The following ZNF106 variants were observed in gnomAD, a reference collection of about 807,000 sequenced individuals.
ZNF106 encodes zinc finger protein 106.
A neutral mutation model predicts 195.1 loss-of-function variants in ZNF106; 67 were observed. The observed-to-expected ratio is 0.34, with a 90% confidence interval of 0.28 to 0.42. ZNF106 has a LOEUF of 0.42. Ranked by LOEUF, ZNF106 falls within the 10% of genes least tolerant of loss-of-function variation. The probability of loss-of-function intolerance (pLI) is 1.00; values close to 1 mark genes in which losing one functional copy is unlikely to be tolerated. For synonymous variants in ZNF106, 784 were observed against 818.6 expected (o/e 0.96, Z 0.72); for missense variants, 2,118 against 2,304.5 (o/e 0.92, Z 1.66).
intron 10 of ZNF106, among the ~76,000 whole-genome samples, chr15:42,440,994 A>ATAT (rs2055485757): frequency 1.8e-5 from 1 of 54,512 alleles, no homozygotes; most frequent in African/African-American, 1.3e-4. Context: ...AAAAAAAAAA[A>ATAT]AAAAATATAT....
rs1297985110 is a variant in ZNF106 at position 42,450,565 on chromosome 15, C to T, written c.1707G>A (p.Glu569=). 6.2e-7 allele frequency: 1 copy of T among 1,614,174 alleles called. No homozygotes were observed. Among genetic ancestry groups the T allele is most frequent in the Non-Finnish European group, 8.5e-7 (1 of 1,180,034 alleles). Residue 569 remains glutamate (E), a synonymous_variant, in exon 5 of 22, where the codon GAG becomes GAA. Coordinates refer to ENST00000564754, the MANE Select transcript of ZNF106 (RefSeq NM_001366845.3). ...RKAKEVLQCH[E]SLQNPLLSTS... ...TGCTAAGAAGTGGATTTTGCAATGACTCATGACACTGTAGCACCTCTTTGG... is the reference window on the plus strand; with the variant it reads ...TGCTAAGAAGTGGATTTTGCAATGATTCATGACACTGTAGCACCTCTTTGG...
chr15:42,439,047 A>C lies in ZNF106; in HGVS notation c.4530T>G (p.Asp1510Glu). ...STSEIGTRYK[D>E]GIPVSVAETQ... ...AATATTCTTACCTTACAGGGATGCC[A>C]TCTTTATAGCGAGTGCCAATTTCAC... Residue 1510 changes from aspartate to glutamate, a missense_variant, in exon 11 of 22, where the codon GAT becomes GAG. Transcript: ENST00000564754. 1 of 1,613,050 alleles carries C rather than the reference A, an allele frequency of 6.2e-7. No individual in the cohort carries two copies. The highest frequency in any genetic ancestry group is 8.5e-7 in the Non-Finnish European group (1 of 1,179,494).
Position 42,439,102 on chromosome 15 carries a change from C to T in ZNF106, c.4475G>A (p.Arg1492His), listed in dbSNP as rs189641155. The T allele has an allele frequency of 1.0e-4, 166 of 1,614,162 alleles. No homozygotes were observed. The highest frequency in any genetic ancestry group is 3.5e-4 in the Admixed American group (21 of 60,020). ...AGAGCTAACTTCATCACACCCAGAACGAGACGTTTCTAGTGGGTTTTGCTC... is the reference window on the plus strand; with the variant it reads ...AGAGCTAACTTCATCACACCCAGAATGAGACGTTTCTAGTGGGTTTTGCTC... ...STEQNPLETS[R>H]SGCDEVSSTS... Residue 1492 changes from arginine (R) to histidine (H), a missense_variant, in exon 11 of 22, where the codon CGT becomes CAT. By Grantham distance (29) the Arg-to-His change is conservative (BLOSUM62 0). Transcript: ENST00000564754.
chr15:42,457,296 CCTTT>C (rs1365960816), intron 3 of ZNF106, 138 bp from the exon 4 acceptor site: 8 of 1,520,440 alleles, frequency 5.3e-6, no homozygotes, highest in Non-Finnish European at 7.0e-6. Flanking sequence ...TTTCAATGCT[CCTTT>C]CATCACTTTT....
At chr15:42,458,781 A>G (rs952990897) in intron 3 of ZNF106, among the ~76,000 whole-genome samples, 3 of 151,564 alleles carry the variant, frequency 2.0e-5, no homozygotes, top group African/African-American at 7.3e-5. Context: ...GTTTTTTGGT[A>G]AGGTGTTTTC....
intron 12 of ZNF106, among the ~76,000 whole-genome samples, chr15:42,438,357 C>A (rs930566810): frequency 2.0e-5 from 3 of 152,222 alleles, no homozygotes; most frequent in Non-Finnish European, 4.4e-5. Context: ...CGCCACTGCA[C>A]TCCAGCCCAG....
At chr15:42,437,139 C>G (rs1278664108) in intron 13 of ZNF106, 93 bp downstream of exon 13, 1 of 1,383,138 alleles carries the variant, frequency 7.2e-7, no homozygotes, top group Non-Finnish European at 9.8e-7. Context: ...TTCCTTCAGA[C>G]AGCCAACAAA....
At chr15:42,452,068 C>A in intron 4 of ZNF106, 114 bp from the exon 5 acceptor site, 1 of 1,203,190 alleles carries the variant, frequency 8.3e-7, no homozygotes, top group Non-Finnish European at 1.2e-6. Flanking sequence ...GAATATGTAA[C>A]CGAGTCTGGT....
intron 3 of ZNF106, among the ~76,000 whole-genome samples, chr15:42,458,773 T>G (rs1028436417): frequency 3.3e-5 from 5 of 151,566 alleles, no homozygotes; most frequent in African/African-American, 7.3e-5. Context: ...GGTGTGCTGT[T>G]TTTTGGTAAG....
chr15:42,443,673 T>C (rs1207329394), intron 9 of ZNF106, among the ~76,000 whole-genome samples: 1 of 151,828 alleles, frequency 6.6e-6, no homozygotes, highest in Non-Finnish European at 1.5e-5. Flanking sequence ...AAGGCTGCAG[T>C]GAGCCATGAT....
intron 3 of ZNF106, among the ~76,000 whole-genome samples, chr15:42,462,456 G>A (rs1339643987): frequency 2.0e-5 from 3 of 152,056 alleles, no homozygotes; most frequent in Non-Finnish European, 2.9e-5. Context: ...AAAATTAGCC[G>A]GCATGGTTGC....
At chr15:42,457,879 T>G (rs1440014243) in intron 3 of ZNF106, among the ~76,000 whole-genome samples, 2 of 152,200 alleles carry the variant, frequency 1.3e-5, no homozygotes. Context: ...AAAACCAGGT[T>G]TTTAGTTAAA....
chr15:42,435,152 G>T (rs2055224233), intron 14 of ZNF106, among the ~76,000 whole-genome samples: 1 of 152,154 alleles, frequency 6.6e-6, no homozygotes, highest in Non-Finnish European at 1.5e-5. Context: ...ACCAAGGAAG[G>T]TATATTATTA....
Position 42,476,859 on chromosome 15 carries a change from TTAA to T in ZNF106, c.-32-4541_-32-4539del, listed in dbSNP as rs911055278. Among the ~76,000 whole-genome samples the T allele has an allele frequency of 3.2e-4, 49 of 152,180 alleles. 1 individual carries two copies. Among genetic ancestry groups the T allele is most frequent in the Admixed American group, 9.2e-4 (14 of 15,280 alleles). On this transcript the variant is annotated intron_variant, in intron 1 of 21. Transcript: ENST00000564754. ...ATACTTTCTCTTCCTTAAGATTTCCTTAATAATAATATCTTTTCTCTAGCTTAC... is the reference window on the plus strand; with the variant it reads ...ATACTTTCTCTTCCTTAAGATTTCCTTAATAATATCTTTTCTCTAGCTTAC...
At position 42,425,277 on chromosome 15, in the gene ZNF106, C is replaced by G. The variant is rs139098218; in HGVS notation, c.4999-252G>C. 4.5e-3 allele frequency among the ~76,000 whole-genome samples: 680 copies of G among 152,308 alleles called. 3 individuals carry two copies. The highest frequency in any genetic ancestry group is 0.016 in the African/African-American group (656 of 41,562). On this transcript the variant is annotated intron_variant, in intron 15 of 21. Coordinates refer to ENST00000564754, the MANE Select transcript of ZNF106 (RefSeq NM_001366845.3). ...TTTATAACTTCAACCCACACCATCTCCATCCTAATTAGAAACTGGTTCTCT... is the reference window on the plus strand; with the variant it reads ...TTTATAACTTCAACCCACACCATCTGCATCCTAATTAGAAACTGGTTCTCT...
intron 14 of ZNF106, among the ~76,000 whole-genome samples, chr15:42,432,118 A>T (rs1190925343): frequency 6.6e-6 from 1 of 152,086 alleles, no homozygotes; most frequent in Admixed American, 6.5e-5. Context: ...GTGCTGACTC[A>T]TCATTATGGG....
rs1595470724 is a variant in ZNF106 at position 42,451,669 on chromosome 15, A to G, written c.603T>C (p.His201=). Residue 201 remains histidine (H), a synonymous_variant, in exon 5 of 22, where the codon CAT becomes CAC. Coordinates refer to ENST00000564754, the MANE Select transcript of ZNF106 (RefSeq NM_001366845.3). The part of the protein sequence containing the change: ...AGGSSTWFHN[H]SNSGGGWLSN... Reference sequence around the variant, plus strand: ...AAAGCCAACCACCTCCAGAATTACTATGGTTGTGAAACCAAGTCGAGGAGC... The same window carrying G: ...AAAGCCAACCACCTCCAGAATTACTGTGGTTGTGAAACCAAGTCGAGGAGC... 6.2e-7 allele frequency: 1 copy of G among 1,614,218 alleles called. No individual in the cohort carries two copies.
Position 42,435,438 on chromosome 15 carries a change from ATTCTT to A in ZNF106, c.4822_4826del (p.Lys1608CysfsTer9). Reference sequence around the variant, plus strand: ...CACTGGACCCGGTGTAAAGGGCAGCATTCTTCCCGGAGGTCTGAGTAACCAGGAGG... The same window carrying A: ...CACTGGACCCGGTGTAAAGGGCAGCACCCGGAGGTCTGAGTAACCAGGAGG... On this transcript the variant is annotated frameshift_variant, in exon 14 of 22. Coordinates refer to ENST00000564754, the MANE Select transcript of ZNF106 (RefSeq NM_001366845.3). LOFTEE classifies it high-confidence loss of function. 6.2e-7 allele frequency: 1 copy of A among 1,614,228 alleles called. No homozygotes were observed. Among genetic ancestry groups the A allele is most frequent in the Non-Finnish European group, 8.5e-7 (1 of 1,180,042 alleles).
In ZNF106 at chr15:42,448,545, C is replaced by T. The variant is rs374203824; in HGVS notation, c.2662G>A (p.Val888Met). 8.7e-6 allele frequency: 14 copies of T among 1,613,984 alleles called. No homozygotes were observed. Among genetic ancestry groups the T allele is most frequent in the East Asian group, 2.2e-5 (1 of 44,892 alleles). The part of the protein sequence containing the change: ...ARKRSLSESS[V>M]IMDRAPSVYS... ...ACAGAAGGAGCTCTGTCCATGATCA[C>T]GCTGCTCTCAGAAAGGCTTCGCTTT... is the stretch of plus-strand genomic sequence containing the variant. The change falls in exon 6 of 22, where the codon GTG (valine) becomes ATG (methionine). Residue 888 changes from valine to methionine, a missense_variant. Physicochemically the swap from Val to Met is conservative, Grantham distance 21. Coordinates refer to ENST00000564754, the MANE Select transcript of ZNF106 (RefSeq NM_001366845.3).
Sources: gnomAD v4.1 joint callset for allele counts (sites outside exome capture counted in the v4.1 genomes callset) on GRCh38, gnomAD v4.1.1 for gene constraint, MANE v1.5 for transcripts, NCBI Gene and HGNC (gene_info 2026-07-23, HGNC 2026-07-21) for gene names.